CYTH1: variants seen among roughly 807,000 people sequenced by gnomAD.
CYTH1 encodes the protein cytohesin 1, also known as cytohesin-1.
Under a neutral mutation model 61.8 loss-of-function variants are expected in CYTH1, and 18 were observed. The ratio of observed to expected loss-of-function variants is 0.29; its 90% CI spans 0.20 to 0.43. The LOEUF (loss-of-function observed/expected upper bound fraction) is 0.43, where lower values mean the gene tolerates loss of function less well. Ranked by LOEUF, CYTH1 falls within the 20% of genes least tolerant of loss-of-function variation. The pLI is 1.00. For synonymous variants in CYTH1, 174 were observed against 184.3 expected (o/e 0.94, Z 0.45); for missense variants, 336 against 510.5 (o/e 0.66, Z 3.29).
intron 3 of CYTH1, among the ~76,000 whole-genome samples, chr17:78,707,899 T>G (rs1269096384): frequency 2.0e-5 from 3 of 152,132 alleles, no homozygotes; most frequent in African/African-American, 7.2e-5. Context: ...CAGGATGGTC[T>G]CGATCTCTTG....
At chr17:78,703,911 T>G (rs980584448) in intron 3 of CYTH1, among the ~76,000 whole-genome samples, 1 of 152,250 alleles carries the variant, frequency 6.6e-6, no homozygotes, top group Non-Finnish European at 1.5e-5. Flanking sequence ...TATGTCTTTG[T>G]GTGGACACGT....
At chr17:78,694,822 T>C (rs557473875) in intron 10 of CYTH1, among the ~76,000 whole-genome samples, 1 of 152,292 alleles carries the variant, frequency 6.6e-6, no homozygotes, top group African/African-American at 2.4e-5. Flanking sequence ...TTATTATGCC[T>C]GGACAATTTG....
At chr17:78,701,522 G>C in intron 6 of CYTH1, 149 bp downstream of exon 6, 1 of 744,214 alleles carries the variant, frequency 1.3e-6, no homozygotes, top group Non-Finnish European at 2.3e-6. Flanking sequence ...CCCAGTCAGA[G>C]ACCAATAGAT....
chr17:78,777,825 A>C (rs2093498931), intron 1 of CYTH1, among the ~76,000 whole-genome samples: 1 of 150,992 alleles, frequency 6.6e-6, no homozygotes, highest in Non-Finnish European at 1.5e-5. Context: ...TCTCTATTAA[A>C]AATACAAAAA....
intron 1 of CYTH1, among the ~76,000 whole-genome samples, chr17:78,718,481 G>C (rs1326998097): frequency 6.6e-6 from 1 of 152,042 alleles, no homozygotes; most frequent in Non-Finnish European, 1.5e-5. Flanking sequence ...ATGGCGTGAG[G>C]GCTAAGAAAC....
chr17:78,767,036 GAAA>G (rs1209109683), intron 1 of CYTH1, among the ~76,000 whole-genome samples: 2 of 152,254 alleles, frequency 1.3e-5, no homozygotes, highest in South Asian at 2.1e-4. Context: ...GAGAACTTAC[GAAA>G]AATGTTCAGC....
In CYTH1 at chr17:78,722,958, T is replaced by C. The variant is rs146726380; in HGVS notation, c.23-13226A>G. ...CCTCACGGAAGCTGGACCAAGGAAA[T>C]TGACTACTGGCATGTTCCTAAGTCT... On this transcript the variant is annotated intron_variant, in intron 1 of 13. Coordinates refer to ENST00000446868, the MANE Select transcript of CYTH1 (RefSeq NM_004762.6). 3.0e-3 allele frequency among the ~76,000 whole-genome samples: 460 copies of C among 152,152 alleles called. 3 individuals carry two copies. Among genetic ancestry groups the C allele is most frequent in the African/African-American group, 9.8e-3 (408 of 41,506 alleles).
At chr17:78,782,076 C>T (rs1460422120) in intron 1 of CYTH1, 126 bp downstream of exon 1, 5 of 890,106 alleles carry the variant, frequency 5.6e-6, no homozygotes, top group South Asian at 5.0e-5. Flanking sequence ...CCGGTCGCCC[C>T]GGGCTCCGCG....
Position 78,674,227 on chromosome 17 carries a change from T to G in CYTH1, c.*1864A>C, listed in dbSNP as rs1163771510. The stretch of plus-strand genomic sequence containing the variant: ...CTTCTTTTAAACAAATACAAAATAA[T>G]CTAAAAGGAGAAAAACTATACATAG... On this transcript the variant is annotated 3_prime_UTR_variant, in exon 14 of 14. Coordinates refer to ENST00000446868, the MANE Select transcript of CYTH1 (RefSeq NM_004762.6). 1 of 152,668 alleles carries G rather than the reference T, an allele frequency of 6.6e-6. No homozygotes were observed. Among genetic ancestry groups the G allele is most frequent in the Non-Finnish European group, 1.5e-5 (1 of 68,046 alleles). The allele number at this position is 152,668 out of a possible 1,614,324, so 9.5% of individuals were successfully genotyped here.
At chr17:78,698,673 C>G (rs968235150) in intron 8 of CYTH1, 147 bp downstream of exon 8, 1 of 1,045,608 alleles carries the variant, frequency 9.6e-7, no homozygotes, top group African/African-American at 1.6e-5. Context: ...CTTACTACCA[C>G]TTTCTTAATG....
Position 78,702,485 on chromosome 17 carries a change from C to T in CYTH1, c.237+53G>A, listed in dbSNP as rs991015133. The stretch of plus-strand genomic sequence containing the variant: ...AACGTTTTTAGGGTCTATCTGAGCA[C>T]TATAAAAAAACCCCATCTAATATGG... On this transcript the variant is annotated intron_variant, in intron 4 of 13. Transcript: ENST00000446868. 5 of 1,584,262 alleles carry T rather than the reference C, an allele frequency of 3.2e-6. No homozygotes were observed. In the African/African-American group the frequency reaches 5.4e-5, roughly 17 times the overall value.
rs182337125 is a variant in CYTH1 at position 78,779,491 on chromosome 17, A to C, written c.22+2711T>G. On this transcript the variant is annotated intron_variant, in intron 1 of 13. Coordinates refer to ENST00000446868, the MANE Select transcript of CYTH1 (RefSeq NM_004762.6). ...GTGGCAGACAGAATAACAGCCCCTA[A>C]AGAAGTCCGGGTACTAATCCCCAGA... is the stretch of plus-strand genomic sequence containing the variant. Among the ~76,000 whole-genome samples the C allele has an allele frequency of 1.9e-4, 29 of 152,226 alleles. No individual in the cohort carries two copies. The East Asian group carries it at 5.4e-3, about 28-fold the overall frequency.
At chr17:78,701,779 A>G in intron 5 of CYTH1, 28 bp from the exon 6 acceptor site, 1 of 1,607,808 alleles carries the variant, frequency 6.2e-7, no homozygotes. Flanking sequence ...AAAATGGGAG[A>G]GAAAGCAGGA....
At chr17:78,690,696 C>T (rs971669941) in intron 11 of CYTH1, among the ~76,000 whole-genome samples, 4 of 150,954 alleles carry the variant, frequency 2.6e-5, no homozygotes, top group African/African-American at 9.8e-5. Context: ...GAGACTCCGT[C>T]TCAAAAAAAA....
chr17:78,730,350 C>T (rs1191406719), intron 1 of CYTH1, among the ~76,000 whole-genome samples: 2 of 145,776 alleles, frequency 1.4e-5, no homozygotes, highest in Non-Finnish European at 3.0e-5. Context: ...ACGGTGAAAC[C>T]CCATCTCTAC....
Position 78,760,410 on chromosome 17 carries a change from TATATATATATATATACACATAC to T in CYTH1, c.22+21770_22+21791del, listed in dbSNP as rs1567879152. Among the ~76,000 whole-genome samples the T allele has an allele frequency of 3.8e-4, 21 of 55,528 alleles. No individual in the cohort carries two copies. The Admixed American group carries it at 4.6e-3, about 12-fold the overall frequency. 36.4% of individuals were successfully genotyped at this position (55,528 alleles called of 152,430 possible). On this transcript the variant is annotated intron_variant, in intron 1 of 13. Coordinates refer to ENST00000446868, the MANE Select transcript of CYTH1 (RefSeq NM_004762.6). ...ACACACACATACATATATATATGTG[TATATATATATATATACACATAC>T]ATATATATATGTATATATATATACA...
intron 1 of CYTH1, among the ~76,000 whole-genome samples, chr17:78,747,725 T>C (rs1021181370): frequency 6.6e-6 from 1 of 152,234 alleles, no homozygotes; most frequent in Non-Finnish European, 1.5e-5. Context: ...TGTCAGAACT[T>C]CATTCCTTTT....
chr17:78,760,355 T>TTATATATAGATATATATA (rs2093416932), intron 1 of CYTH1, among the ~76,000 whole-genome samples: 1 of 52,272 alleles, frequency 1.9e-5, no homozygotes, highest in South Asian at 6.6e-4. Flanking sequence ...AATAGCAGGT[T>TTATATATAGATATATATA]TATATATATA....
At chr17:78,701,096 G>A (rs922323194) in intron 6 of CYTH1, among the ~76,000 whole-genome samples, 10 of 152,160 alleles carry the variant, frequency 6.6e-5, no homozygotes, top group African/African-American at 2.4e-4. Context: ...ATGGGTGGCA[G>A]AAAAAGAGAA....
Sources: allele counts gnomAD v4.1 joint callset (sites outside exome capture counted in the v4.1 genomes callset), GRCh38; gene constraint gnomAD v4.1.1; transcripts MANE v1.5; gene names NCBI Gene and HGNC (gene_info 2026-07-23, HGNC 2026-07-21).